CCDC3: variants seen among roughly 807,000 people sequenced by gnomAD.
CCDC3 encodes the protein coiled-coil domain containing 3.
A neutral mutation model predicts 21.4 loss-of-function variants in CCDC3; 24 were observed. That is an observed-to-expected ratio of 1.12 (90% CI 0.81 to 1.58). The LOEUF (loss-of-function observed/expected upper bound fraction) is 1.58. CCDC3 is among the 40% of genes most tolerant of loss of function. The pLI is 0.00. For synonymous variants in CCDC3, 186 were observed against 166.0 expected (o/e 1.12, Z -0.93); for missense variants, 425 against 360.9 (o/e 1.18, Z -1.44).
intron 4 of CCDC3, among the ~76,000 whole-genome samples, chr10:13,057,117 A>AC (rs1395708434): frequency 6.6e-6 from 1 of 151,558 alleles, no homozygotes; most frequent in Non-Finnish European, 1.5e-5. Flanking sequence ...CAACAGCAAG[A>AC]CCCCATCTCT....
chr10:13,023,146 T>C (rs1836168879), intron 5 of CCDC3, among the ~76,000 whole-genome samples: 2 of 151,942 alleles, frequency 1.3e-5, no homozygotes. Flanking sequence ...AAGTGTAAAA[T>C]AAAAGATATT....
intron 2 of CCDC3, among the ~76,000 whole-genome samples, chr10:12,978,482 G>A (rs1348813882): frequency 6.6e-6 from 1 of 152,174 alleles, no homozygotes. Context: ...AGAACCTTGG[G>A]GTTACATGAC....
chr10:12,950,972 C>T (rs1347903986), intron 2 of CCDC3, among the ~76,000 whole-genome samples: 1 of 152,180 alleles, frequency 6.6e-6, no homozygotes, highest in Non-Finnish European at 1.5e-5. Flanking sequence ...TCTGGCCTTC[C>T]TCGATAACAC....
At chr10:12,921,748 G>GT (rs966049455) in intron 2 of CCDC3, among the ~76,000 whole-genome samples, 1 of 151,990 alleles carries the variant, frequency 6.6e-6, no homozygotes, top group East Asian at 1.9e-4. Flanking sequence ...TCTGTTTTTT[G>GT]TTTTTTGTTT....
chr10:13,069,467 G>A (rs944916339), intron 4 of CCDC3, among the ~76,000 whole-genome samples: 2 of 152,008 alleles, frequency 1.3e-5, no homozygotes, highest in Non-Finnish European at 2.9e-5. Flanking sequence ...TCATTATTTT[G>A]GCAAAATAAA....
chr10:12,899,806 C>T (rs1275543622), intron 2 of CCDC3, among the ~76,000 whole-genome samples: 1 of 152,176 alleles, frequency 6.6e-6, no homozygotes, highest in Admixed American at 6.5e-5. Context: ...GTGGCCATAT[C>T]CGGGGAGCAG....
rs148241323 is a variant in CCDC3 at position 13,079,583 on chromosome 10, G to A, written c.-502-5483C>T. Among the ~76,000 whole-genome samples the A allele has an allele frequency of 5.2e-3, 791 of 152,244 alleles. 2 individuals carry two copies. The highest frequency in any genetic ancestry group is 9.0e-3 in the Admixed American group (138 of 15,294). ...GGACTGAGAAAAGAAAAGCCACGGG[G>A]TTGGGGGGAGAATGGGGGTGGCGGT... On this transcript the variant is annotated intron_variant, in intron 3 of 6. Coordinates refer to the CCDC3 transcript ENST00000378839.
At chr10:13,023,246 T>C (rs1383079238) in intron 5 of CCDC3, among the ~76,000 whole-genome samples, 3 of 152,226 alleles carry the variant, frequency 2.0e-5, no homozygotes, top group African/African-American at 4.8e-5. Context: ...ATACATTTCA[T>C]GATTTAAAAC....
intron 2 of CCDC3, among the ~76,000 whole-genome samples, chr10:12,948,723 A>G (rs1401492105): frequency 1.6e-5 from 2 of 124,396 alleles, no homozygotes; most frequent in Admixed American, 1.0e-4. Flanking sequence ...CTCATTTTTA[A>G]GGCAGTTTTT....
Position 13,028,953 on chromosome 10 carries a change from T to C in CCDC3, c.-2+20721A>G, listed in dbSNP as rs562208307. ...AGCACCTGCAAAATGACATCCATAA[T>C]TCCAGCTGCCAGCAGATGCTTATTT... On this transcript the variant is annotated intron_variant, in intron 5 of 6. Coordinates refer to the CCDC3 transcript ENST00000378839. Among the ~76,000 whole-genome samples, 10 of 152,312 alleles carry C rather than the reference T, an allele frequency of 6.6e-5. No homozygotes were observed. In the East Asian group the frequency reaches 1.7e-3, roughly 26 times the overall value.
chr10:13,029,230 T>A (rs1190621980), intron 5 of CCDC3, among the ~76,000 whole-genome samples: 1 of 152,146 alleles, frequency 6.6e-6, no homozygotes, highest in Non-Finnish European at 1.5e-5. Flanking sequence ...CATCTTGTCC[T>A]GTTGGCTTAA....
intron 2 of CCDC3, among the ~76,000 whole-genome samples, chr10:12,960,455 C>A (rs76409301): frequency 6.6e-6 from 1 of 152,068 alleles, no homozygotes; most frequent in Non-Finnish European, 1.5e-5. Context: ...GGGTTCAAGG[C>A]TTATCTGCCT....
Position 13,045,415 on chromosome 10 carries a change from C to T in CCDC3, c.-2+4259G>A, listed in dbSNP as rs150338125. On this transcript the variant is annotated intron_variant, in intron 5 of 6. Transcript: ENST00000378839. ...CAGCACTTTGTGAGGTCAAGGCAGG[C>T]GGATCACAAGGGCACCATCCTGGCT... Among the ~76,000 whole-genome samples the T allele has an allele frequency of 5.6e-4, 85 of 151,948 alleles. 1 individual carries two copies. In the East Asian group the frequency reaches 0.015, roughly 26 times the overall value.
At chr10:12,956,875 A>G (rs1835097606) in intron 2 of CCDC3, among the ~76,000 whole-genome samples, 1 of 152,216 alleles carries the variant, frequency 6.6e-6, no homozygotes, top group Non-Finnish European at 1.5e-5. Flanking sequence ...TCCAGTCTGA[A>G]AAAACTCAAG....
intron 5 of CCDC3, among the ~76,000 whole-genome samples, chr10:13,046,361 G>A (rs191527411): frequency 6.3e-4 from 95 of 150,948 alleles, no homozygotes; most frequent in African/African-American, 2.1e-3. Flanking sequence ...AGCCGTGATC[G>A]CGTCACTTCA....
At chr10:13,083,907 G>A (rs1837072651) in intron 3 of CCDC3, among the ~76,000 whole-genome samples, 1 of 152,180 alleles carries the variant, frequency 6.6e-6, no homozygotes. Context: ...CACCCTTTCT[G>A]CAGAAAGTAA....
intron 5 of CCDC3, among the ~76,000 whole-genome samples, chr10:13,031,618 A>G (rs1222998211): frequency 6.6e-6 from 1 of 152,194 alleles, no homozygotes; most frequent in Non-Finnish European, 1.5e-5. Context: ...TAAAGAAGAG[A>G]GAAGAATCAA....
At chr10:13,073,350 C>T (rs967938497) in intron 4 of CCDC3, among the ~76,000 whole-genome samples, 5 of 148,276 alleles carry the variant, frequency 3.4e-5, no homozygotes, top group African/African-American at 1.2e-4. Context: ...GGACAGGTGA[C>T]ATAGGACACT....
intron 3 of CCDC3, among the ~76,000 whole-genome samples, chr10:13,075,724 G>T (rs1290309412): frequency 6.6e-6 from 1 of 152,058 alleles, no homozygotes; most frequent in Non-Finnish European, 1.5e-5. Flanking sequence ...TAACCAATTT[G>T]CTCAGTGCAA....
Sources: allele counts gnomAD v4.1 joint callset (sites outside exome capture counted in the v4.1 genomes callset), GRCh38; gene constraint gnomAD v4.1.1; transcripts MANE v1.5; gene names NCBI Gene and HGNC (gene_info 2026-07-23, HGNC 2026-07-21).